The following GPC5 variants were observed in gnomAD, a reference collection of about 807,000 sequenced individuals.
GPC5 encodes glypican-5.
Under a neutral mutation model 53.9 loss-of-function variants are expected in GPC5, and 47 were observed. The observed-to-expected ratio is 0.87, with a 90% CI of 0.69 to 1.11. GPC5 has a LOEUF of 1.11. Ranked by LOEUF, GPC5 falls within the 50% of genes most tolerant of loss-of-function variation. GPC5 has a pLI of 0.00. For missense variants in GPC5, 748 were observed against 713.1 expected (o/e 1.05, Z -0.56); for synonymous variants, 286 against 263.3 (o/e 1.09, Z -0.84).
At chr13:92,292,438 C>T (rs562183693) in intron 7 of GPC5, among the ~76,000 whole-genome samples, 47 of 152,134 alleles carry the variant, frequency 3.1e-4, no homozygotes, top group East Asian at 1.7e-3. Context: ...AGTAATGTTG[C>T]GCATTTTTTC....
intron 7 of GPC5, among the ~76,000 whole-genome samples, chr13:92,178,092 G>A (rs895821532): frequency 1.3e-5 from 2 of 152,120 alleles, no homozygotes; most frequent in African/African-American, 4.8e-5. Flanking sequence ...ATACGAGTTA[G>A]GCTCAATTTA....
At chr13:91,615,707 A>G (rs1226987532) in intron 2 of GPC5, among the ~76,000 whole-genome samples, 3 of 152,166 alleles carry the variant, frequency 2.0e-5, no homozygotes, top group African/African-American at 7.2e-5. Context: ...TCTGTCTCCA[A>G]AATAGGCACA....
intron 4 of GPC5, among the ~76,000 whole-genome samples, chr13:91,745,429 A>T (rs1383699714): frequency 2.9e-5 from 2 of 70,144 alleles, no homozygotes; most frequent in Admixed American, 1.3e-4. Flanking sequence ...CTTTCTGCAA[A>T]GGGTCTCTAA....
At chr13:92,610,529 C>T (rs1311728634) in intron 7 of GPC5, among the ~76,000 whole-genome samples, 1 of 152,156 alleles carries the variant, frequency 6.6e-6, no homozygotes, top group African/African-American at 2.4e-5. Flanking sequence ...AGCTTATGCA[C>T]ACTTCACTTT....
chr13:92,724,296 A>G (rs1428963278), intron 7 of GPC5, among the ~76,000 whole-genome samples: 1 of 151,638 alleles, frequency 6.6e-6, no homozygotes, highest in Non-Finnish European at 1.5e-5. Flanking sequence ...AAGTAAAAAA[A>G]CTCTTAGAAA....
chr13:92,364,494 G>A (rs1303802884), intron 7 of GPC5, among the ~76,000 whole-genome samples: 2 of 151,778 alleles, frequency 1.3e-5, no homozygotes, highest in Non-Finnish European at 2.9e-5. Context: ...ACTTTGGGAG[G>A]CCAAGGCGGG....
At chr13:92,743,424 C>T (rs543878326) in intron 7 of GPC5, among the ~76,000 whole-genome samples, 19 of 152,174 alleles carry the variant, frequency 1.2e-4, no homozygotes, top group African/African-American at 3.9e-4. Context: ...GTGATTTTTG[C>T]ACATTGATTT....
At chr13:91,420,339 A>G (rs553493661) in intron 1 of GPC5, among the ~76,000 whole-genome samples, 59 of 152,272 alleles carry the variant, frequency 3.9e-4, no homozygotes, top group African/African-American at 1.3e-3. Context: ...CTTATATTTT[A>G]TGAGTATATA....
intron 7 of GPC5, among the ~76,000 whole-genome samples, chr13:92,758,873 A>C (rs1875028003): frequency 6.6e-6 from 1 of 151,768 alleles, no homozygotes; most frequent in African/African-American, 2.4e-5. Context: ...TCTCATATGT[A>C]GGTCTTTTAT....
At chr13:92,789,491 C>G (rs542777130) in intron 7 of GPC5, among the ~76,000 whole-genome samples, 1 of 152,046 alleles carries the variant, frequency 6.6e-6, no homozygotes, top group Non-Finnish European at 1.5e-5. Context: ...ATTTATTTAA[C>G]AAACTCAGGT....
intron 6 of GPC5, among the ~76,000 whole-genome samples, chr13:91,914,817 T>C (rs938431158): frequency 6.6e-6 from 1 of 152,158 alleles, no homozygotes; most frequent in African/African-American, 2.4e-5. Flanking sequence ...TTAGTATCTC[T>C]GAATTTTTTA....
chr13:92,727,044 CTT>C (rs1425084616), intron 7 of GPC5, among the ~76,000 whole-genome samples: 1 of 151,396 alleles, frequency 6.6e-6, no homozygotes, highest in Non-Finnish European at 1.5e-5. Flanking sequence ...CATTCAGACT[CTT>C]TTTATCATAG....
At chr13:91,963,836 A>G (rs1353228845) in intron 6 of GPC5, among the ~76,000 whole-genome samples, 1 of 152,212 alleles carries the variant, frequency 6.6e-6, no homozygotes, top group Non-Finnish European at 1.5e-5. Flanking sequence ...ATGAAATTAA[A>G]TGGAAGAAGC....
At chr13:91,500,571 G>A (rs1023989147) in intron 2 of GPC5, among the ~76,000 whole-genome samples, 1 of 152,160 alleles carries the variant, frequency 6.6e-6, no homozygotes, top group Non-Finnish European at 1.5e-5. Flanking sequence ...CTCATTTCCT[G>A]TTGGTGCCAT....
intron 7 of GPC5, among the ~76,000 whole-genome samples, chr13:92,730,057 CATAGT>C (rs1382190315): frequency 1.3e-5 from 2 of 151,306 alleles, no homozygotes; most frequent in Admixed American, 6.6e-5. Flanking sequence ...CTTTCTGACT[CATAGT>C]ATAAAGATAA....
intron 2 of GPC5, among the ~76,000 whole-genome samples, chr13:91,491,317 T>C (rs1046025112): frequency 6.6e-6 from 1 of 152,238 alleles, no homozygotes; most frequent in Non-Finnish European, 1.5e-5. Context: ...TATGACTCTC[T>C]TTAAAATGTT....
intron 2 of GPC5, among the ~76,000 whole-genome samples, chr13:91,652,043 A>G (rs1296046887): frequency 6.6e-6 from 1 of 152,196 alleles, no homozygotes; most frequent in African/African-American, 2.4e-5. Context: ...TTCCTATGCA[A>G]TTCAGCAGAG....
chr13:92,442,978 C>T (rs1398736698), intron 7 of GPC5, among the ~76,000 whole-genome samples: 1 of 152,024 alleles, frequency 6.6e-6, no homozygotes, highest in Non-Finnish European at 1.5e-5. Context: ...TTTTGCATTG[C>T]AATAATGGAA....
chr13:92,518,295 C>T (rs1260722406), intron 7 of GPC5, among the ~76,000 whole-genome samples: 1 of 152,094 alleles, frequency 6.6e-6, no homozygotes, highest in Non-Finnish European at 1.5e-5. Context: ...AGATACTCCT[C>T]AAGAAGAGCA....
Sources: gnomAD v4.1 joint callset for allele counts (sites outside exome capture counted in the v4.1 genomes callset) on GRCh38, gnomAD v4.1.1 for gene constraint, MANE v1.5 for transcripts, NCBI Gene and HGNC (gene_info 2026-07-23, HGNC 2026-07-21) for gene names.